Variants in GNPTAB observed in about 807,000 individuals in gnomAD.
The protein encoded by GNPTAB is N-acetylglucosamine-1-phosphotransferase subunits alpha/beta.
Under a neutral mutation model 136.6 loss-of-function variants are expected in GNPTAB, and 92 were observed. The ratio of observed to expected loss-of-function variants is 0.67; its 90% confidence interval spans 0.57 to 0.80. GNPTAB has a LOEUF of 0.80. GNPTAB is among the 30% of genes least tolerant of loss of function. The pLI, the probability that GNPTAB is intolerant of heterozygous loss-of-function variation, is 0.00. For synonymous variants in GNPTAB, 512 were observed against 535.1 expected (o/e 0.96, Z 0.60); for missense variants, 1,343 against 1,501.8 (o/e 0.89, Z 1.75).
At chr12:101,827,439 T>A (rs79956442) in intron 1 of GNPTAB, among the ~76,000 whole-genome samples, 43 of 152,142 alleles carry the variant, frequency 2.8e-4, no homozygotes, top group Non-Finnish European at 5.7e-4. Context: ...GGGTCTCCTT[T>A]GTTTCCCAGG....
intron 20 of GNPTAB, 78 bp from the exon 21 acceptor site, chr12:101,747,319 G>A: frequency 1.3e-6 from 1 of 795,486 alleles, no homozygotes; most frequent in Non-Finnish European, 2.2e-6. Flanking sequence ...CTTTCTAAGA[G>A]CCATATGACC....
At chr12:101,770,682 C>A in intron 8 of GNPTAB, 97 bp from the exon 9 acceptor site, 1 of 856,312 alleles carries the variant, frequency 1.2e-6, no homozygotes. Context: ...TCTCAAGGTG[C>A]TCTGGCAGAC....
At chr12:101,805,887 T>C (rs558162161) in intron 1 of GNPTAB, among the ~76,000 whole-genome samples, 2 of 152,248 alleles carry the variant, frequency 1.3e-5, no homozygotes, top group South Asian at 4.1e-4. Context: ...ATAATCACCA[T>C]TATTACCGAT....
rs1252419828 is a variant in GNPTAB at position 101,770,154 on chromosome 12, C to T, written c.1151G>A (p.Ser384Asn). 1 of 1,614,084 alleles carries T rather than the reference C, an allele frequency of 6.2e-7. No individual in the cohort carries two copies. Among genetic ancestry groups the T allele is most frequent in the Non-Finnish European group, 8.5e-7 (1 of 1,180,020 alleles). Residue 384 changes from serine (S) to asparagine (N), a missense_variant, in exon 10 of 21, where the codon AGT becomes AAT. Physicochemically the swap from Ser to Asn is conservative, Grantham distance 46 (BLOSUM62 1). Transcript: ENST00000299314. ...FRNLSHLPTF[S>N]SPAIESHIHR... Reference sequence around the variant, plus strand: ...AATGTGACTTTCAATAGCAGGTGAACTAAAGGTAGGCAAGTGGCTCAAATT... The same window carrying T: ...AATGTGACTTTCAATAGCAGGTGAATTAAAGGTAGGCAAGTGGCTCAAATT...
At chr12:101,820,443 C>A (rs1307138667) in intron 1 of GNPTAB, among the ~76,000 whole-genome samples, 1 of 152,156 alleles carries the variant, frequency 6.6e-6, no homozygotes, top group Non-Finnish European at 1.5e-5. Flanking sequence ...AGACTAACTG[C>A]CCTGCAGCCA....
Position 101,781,633 on chromosome 12 carries a change from A to G in GNPTAB, c.572-1012T>C, listed in dbSNP as rs561008281. On this transcript the variant is annotated intron_variant, in intron 5 of 20. Coordinates refer to ENST00000299314, the MANE Select transcript of GNPTAB (RefSeq NM_024312.5). ...CCCGGAGTTGGGGCTGTGGTGAGCC[A>G]TGATCATGCCACTGCACTCTAGCCT... is the stretch of plus-strand genomic sequence containing the variant. Among the ~76,000 whole-genome samples, 8 of 152,282 alleles carry G rather than the reference A, an allele frequency of 5.3e-5. No homozygotes were observed. The East Asian group carries it at 1.5e-3, about 29-fold the overall frequency.
chr12:101,770,183 A>T lies in GNPTAB; in HGVS notation c.1122T>A (p.Phe374Leu). Residue 374 changes from phenylalanine to leucine, a missense_variant, in exon 10 of 21, where the codon TTT (phenylalanine) becomes TTA (leucine). Phe to Leu is a conservative substitution (Grantham distance 22). Coordinates refer to ENST00000299314, the MANE Select transcript of GNPTAB (RefSeq NM_024312.5). ...RVTIVTHQDV[F>L]RNLSHLPTFS... ...AGGTAGGCAAGTGGCTCAAATTTCG[A>T]AAAACATCCTTTTAACAACAACAAA... 6.2e-7 allele frequency: 1 copy of T among 1,614,200 alleles called. No individual in the cohort carries two copies. Among genetic ancestry groups the T allele is most frequent in the South Asian group, 1.1e-5 (1 of 91,082 alleles).
At position 101,761,064 on chromosome 12, in the gene GNPTAB, G is replaced by A. The variant is rs111884892; in HGVS notation, c.3135+63C>T. On this transcript the variant is annotated intron_variant, in intron 15 of 20. Transcript: ENST00000299314. Reference sequence around the variant, plus strand: ...TGGGATTACAGGTGTGAGCCACTGCGCCTGACCAGAATTAAATTCTCATTT... The same window carrying A: ...TGGGATTACAGGTGTGAGCCACTGCACCTGACCAGAATTAAATTCTCATTT... 557 of 1,259,856 alleles carry A rather than the reference G, an allele frequency of 4.4e-4. No individual in the cohort carries two copies. In the African/African-American group the frequency reaches 7.6e-3, roughly 17 times the overall value. 78.0% of individuals were successfully genotyped at this position (1,259,856 alleles called of 1,614,324 possible). A position where few individuals can be genotyped will look rare whatever the true frequency, so the allele number is the denominator to read the frequency against.
chr12:101,793,475 T>C (rs538642591), intron 2 of GNPTAB, among the ~76,000 whole-genome samples: 1 of 152,182 alleles, frequency 6.6e-6, no homozygotes, highest in Non-Finnish European at 1.5e-5. Flanking sequence ...ACTGCATGTA[T>C]TACATGATCA....
At chr12:101,787,751 T>G (rs996122490) in intron 4 of GNPTAB, among the ~76,000 whole-genome samples, 2 of 151,920 alleles carry the variant, frequency 1.3e-5, no homozygotes, top group Non-Finnish European at 2.9e-5. Flanking sequence ...CCGTCTCTAC[T>G]AAAAATACAA....
At chr12:101,748,313 T>G (rs556544969) in intron 20 of GNPTAB, among the ~76,000 whole-genome samples, 2 of 152,224 alleles carry the variant, frequency 1.3e-5, no homozygotes, top group Non-Finnish European at 2.9e-5. Flanking sequence ...ATAAGTCAAC[T>G]TGGTGTACGT....
intron 14 of GNPTAB, 62 bp downstream of exon 14, chr12:101,761,502 C>T: frequency 1.3e-6 from 2 of 1,493,000 alleles, no homozygotes; most frequent in Admixed American, 3.3e-5. Context: ...GGTAAATATG[C>T]ACATTTCAAG....
chr12:101,771,528 G>A (rs1444942083), intron 7 of GNPTAB, among the ~76,000 whole-genome samples: 1 of 152,198 alleles, frequency 6.6e-6, no homozygotes, highest in African/African-American at 2.4e-5. Flanking sequence ...ACAGGCGTGA[G>A]CCACTGCAAC....
At chr12:101,756,583 T>A (rs879870569) in intron 18 of GNPTAB, 1 of 248,896 alleles carries the variant, frequency 4.0e-6, no homozygotes, top group African/African-American at 2.3e-5. Flanking sequence ...CAAAAAAATA[T>A]AGTTTATATG....
intron 15 of GNPTAB, 120 bp from the exon 16 acceptor site, chr12:101,760,263 C>A: frequency 1.4e-6 from 1 of 705,002 alleles, no homozygotes; most frequent in Non-Finnish European, 2.5e-6. Context: ...CAAAGAGAGT[C>A]TGACTATATG....
chr12:101,810,578 A>G (rs951509655), intron 1 of GNPTAB: 4 of 151,920 alleles, frequency 2.6e-5, no homozygotes, highest in Non-Finnish European at 5.9e-5. Context: ...TTCTGTGCTC[A>G]GCTTACTTCC....
At chr12:101,747,917 C>G (rs1952760074) in intron 20 of GNPTAB, among the ~76,000 whole-genome samples, 1 of 152,128 alleles carries the variant, frequency 6.6e-6, no homozygotes, top group South Asian at 2.1e-4. Flanking sequence ...GGAAAGACTG[C>G]CTCTCTAGTT....
At chr12:101,769,599 T>C (rs1953141088) in intron 10 of GNPTAB, among the ~76,000 whole-genome samples, 1 of 152,024 alleles carries the variant, frequency 6.6e-6, no homozygotes, top group Admixed American at 6.6e-5. Flanking sequence ...TCTATATATA[T>C]TTTTTTATTT....
rs545716432 is a variant in GNPTAB, at chr12:101,793,278, C to T, written c.204-3221G>A. On this transcript the variant is annotated intron_variant, in intron 2 of 20. Coordinates refer to ENST00000299314, the MANE Select transcript of GNPTAB (RefSeq NM_024312.5). ...CCAAGGTCATCTCATTCCCAACCTC[C>T]CAGGTGATTTATGCTCAGTCTAAAA... 2.1e-4 allele frequency among the ~76,000 whole-genome samples: 32 copies of T among 152,254 alleles called. 1 individual carries two copies. Among genetic ancestry groups the T allele is most frequent in the Admixed American group, 7.2e-4 (11 of 15,292 alleles).
Sources: gnomAD v4.1 joint callset for allele counts (sites outside exome capture counted in the v4.1 genomes callset) on GRCh38, gnomAD v4.1.1 for gene constraint, MANE v1.5 for transcripts, NCBI Gene and HGNC (gene_info 2026-07-23, HGNC 2026-07-21) for gene names.